Variants in FSIP2 observed in about 807,000 individuals in gnomAD.
The protein encoded by FSIP2 is fibrous sheath interacting protein 2.
In FSIP2, 367 loss-of-function variants were observed where a neutral mutation model predicts 510.5. That is an observed-to-expected ratio of 0.72 (90% CI 0.66 to 0.78). The LOEUF (loss-of-function observed/expected upper bound fraction) is 0.78. Among genes scored for constraint, FSIP2 ranks in the 30% least tolerant of loss-of-function variants. The pLI, the probability that FSIP2 is intolerant of heterozygous loss-of-function variation, is 0.00. For synonymous variants in FSIP2, 2,601 were observed against 2,732.2 expected (o/e 0.95, Z 1.50); for missense variants, 7,594 against 7,901.7 (o/e 0.96, Z 1.48).
In FSIP2 at chr2:185,807,409, G is replaced by A; in HGVS notation, c.18103G>A (p.Glu6035Lys). The change falls in exon 17 of 23, where the codon GAA becomes AAA. Residue 6035 changes from glutamate to lysine, a missense_variant. Transcript: ENST00000424728. Reference protein sequence around the residue: ...FSTISSTKTKEPEDNLSTELN... With the variant: ...FSTISSTKTKKPEDNLSTELN... ...AACAATATCCAGCACAAAAACAAAA[G>A]AACCTGAGGACAATTTGTCCACAGA... The A allele has an allele frequency of 6.2e-7, 1 of 1,608,598 alleles. No individual in the cohort carries two copies. The highest frequency in any genetic ancestry group is 8.5e-7 in the Non-Finnish European group (1 of 1,178,536).
chr2:185,781,560 C>T (rs1692849475), intron 13 of FSIP2, among the ~76,000 whole-genome samples: 1 of 152,116 alleles, frequency 6.6e-6, no homozygotes, highest in South Asian at 2.1e-4. Flanking sequence ...AATGCTCTGA[C>T]CAGACACTAA....
chr2:185,822,844 T>C (rs921953850), intron 19 of FSIP2, among the ~76,000 whole-genome samples: 3 of 151,888 alleles, frequency 2.0e-5, no homozygotes, highest in African/African-American at 7.2e-5. Flanking sequence ...GTGATACTGA[T>C]ATAAAGACAG....
Position 185,801,169 on chromosome 2 carries a change from G to T in FSIP2, c.11863G>T (p.Val3955Leu). 1 of 1,533,682 alleles carries T rather than the reference G, an allele frequency of 6.5e-7. No individual in the cohort carries two copies. Among genetic ancestry groups the T allele is most frequent in the Non-Finnish European group, 8.7e-7 (1 of 1,145,232 alleles). Reference sequence around the variant, plus strand: ...ACAGAGAACAAAGGAAATGGATAAGGTAGCCATTCATAATAAGCTACATCA... The same window carrying T: ...ACAGAGAACAAAGGAAATGGATAAGTTAGCCATTCATAATAAGCTACATCA... ...ERQRTKEMDK[V>L]AIHNKLHQEG... The change falls in exon 17 of 23, where the codon GTA becomes TTA. Residue 3955 changes from valine (V) to leucine (L), a missense_variant. Coordinates refer to ENST00000424728, the MANE Select transcript of FSIP2 (RefSeq NM_173651.4).
In FSIP2 at chr2:185,807,654, C is replaced by T. The variant is rs1227903388; in HGVS notation, c.18348C>T (p.Asn6116=). ...VTSGCKILSE[N]IVDLVLREVA... is the part of the protein sequence containing the mutation. Reference sequence around the variant, plus strand: ...GTGGATGCAAAATCCTTTCAGAAAACATAGTTGACTTGGTTCTACGAGAAG... The same window carrying T: ...GTGGATGCAAAATCCTTTCAGAAAATATAGTTGACTTGGTTCTACGAGAAG... Residue 6116 remains asparagine (N), a synonymous_variant, in exon 17 of 23, where the codon AAC becomes AAT. Coordinates refer to ENST00000424728, the MANE Select transcript of FSIP2 (RefSeq NM_173651.4). 6.2e-7 allele frequency: 1 copy of T among 1,612,818 alleles called. No homozygotes were observed. The highest frequency in any genetic ancestry group is 8.5e-7 in the Non-Finnish European group (1 of 1,179,320).
chr2:185,770,295 G>A (rs1293303823), intron 13 of FSIP2, among the ~76,000 whole-genome samples: 1 of 152,086 alleles, frequency 6.6e-6, no homozygotes, highest in Non-Finnish European at 1.5e-5. Flanking sequence ...AACCTCCCTG[G>A]TTAGTGGTAT....
intron 21 of FSIP2, among the ~76,000 whole-genome samples, chr2:185,830,671 G>A (rs1480550753): frequency 1.3e-5 from 2 of 151,690 alleles, no homozygotes; most frequent in South Asian, 2.1e-4. Context: ...GTCTATACAT[G>A]TTCGGTATAC....
intron 13 of FSIP2, chr2:185,766,499 TG>T (rs1692485109): frequency 6.8e-6 from 1 of 146,628 alleles, no homozygotes; most frequent in Non-Finnish European, 1.5e-5. Context: ...CATCAAAAAG[TG>T]GGTGAAGGAC....
At chr2:185,775,682 T>G (rs183180532) in intron 13 of FSIP2, among the ~76,000 whole-genome samples, 3 of 152,236 alleles carry the variant, frequency 2.0e-5, no homozygotes, top group African/African-American at 7.2e-5. Flanking sequence ...TTGTTTTGCT[T>G]TCATGGAGCC....
Position 185,790,940 on chromosome 2 carries a change from T to TAA in FSIP2, c.3807_3808dup (p.Arg1270LysfsTer3), listed in dbSNP as rs1317276013. Reference sequence around the variant, plus strand: ...ATGATAAGATCATTCGTACAATTTTTAAAAGACTGAAGTCATTTATTTGTC... The same window carrying TAA: ...ATGATAAGATCATTCGTACAATTTTTAAAAAAGACTGAAGTCATTTATTTGTC... On this transcript the variant is annotated frameshift_variant, in exon 16 of 23. Transcript: ENST00000424728. LOFTEE classifies it high-confidence loss of function. 2.0e-6 allele frequency: 3 copies of TAA among 1,524,096 alleles called. No individual in the cohort carries two copies. The highest frequency in any genetic ancestry group is 3.4e-4 in the Middle Eastern group (2 of 5,874). 94.4% of individuals were successfully genotyped at this position (1,524,096 alleles called of 1,614,324 possible).
rs1288750042 is a variant in FSIP2, at chr2:185,753,778, T to C, written c.927T>C (p.Thr309=). The change falls in exon 8 of 23, where the codon ACT becomes ACC. Residue 309 remains threonine, a synonymous_variant. Transcript: ENST00000424728. ...ATCATTTACAAAAAATGCAAGATAC[T>C]GGCTTTAACGGAGAAGATATAGGAA... ...MAYHLQKMQD[T]GFNGEDIGKN... 28 of 1,452,536 alleles carry C rather than the reference T, an allele frequency of 1.9e-5. No individual in the cohort carries two copies. The highest frequency in any genetic ancestry group is 2.5e-5 in the Non-Finnish European group (27 of 1,083,978). The allele number at this position is 1,452,536 out of a possible 1,614,324, so 90.0% of individuals were successfully genotyped here. A position where few individuals can be genotyped will look rare whatever the true frequency, so the allele number is the denominator to read the frequency against.
chr2:185,792,191 A>C lies in FSIP2; in HGVS notation c.5055A>C (p.Leu1685Phe). The C allele has an allele frequency of 6.5e-7, 1 of 1,531,930 alleles. No homozygotes were observed. The highest frequency in any genetic ancestry group is 2.4e-5 in the East Asian group (1 of 40,846). The allele number at this position is 1,531,930 out of a possible 1,614,324, so 94.9% of individuals were successfully genotyped here. A position where few individuals can be genotyped will look rare whatever the true frequency, so the allele number is the denominator to read the frequency against. Reference protein sequence around the residue: ...ETQILKYVVKLILDAVSSDMF... With the variant: ...ETQILKYVVKFILDAVSSDMF... Reference sequence around the variant, plus strand: ...AAATACTTAAGTATGTAGTCAAGTTAATTTTAGATGCAGTATCTTCCGATA... The same window carrying C: ...AAATACTTAAGTATGTAGTCAAGTTCATTTTAGATGCAGTATCTTCCGATA... The change falls in exon 16 of 23, where the codon TTA (leucine) becomes TTC (phenylalanine). Residue 1685 changes from leucine (L) to phenylalanine (F), a missense_variant. Transcript: ENST00000424728.
chr2:185,810,038 T>A (rs1275644071), intron 17 of FSIP2, among the ~76,000 whole-genome samples: 1 of 152,048 alleles, frequency 6.6e-6, no homozygotes, highest in Non-Finnish European at 1.5e-5. Flanking sequence ...AGGCATGTAG[T>A]CTGTAGCCCG....
At position 185,793,194 on chromosome 2, in the gene FSIP2, A is replaced by G. The variant is rs1693179469; in HGVS notation, c.6058A>G (p.Lys2020Glu). The stretch of plus-strand genomic sequence containing the variant: ...ACAAGGAATCAAACAGGAATTAGAT[A>G]AAGAAAGGGAAAATCCTTTTTTAAC... ...NLQGIKQELD[K>E]ERENPFLTHD... is the part of the protein sequence containing the mutation. Residue 2020 changes from lysine to glutamate, a missense_variant, in exon 16 of 23, where the codon AAA (lysine) becomes GAA (glutamate). By Grantham distance (56) the Lys-to-Glu change is moderately conservative. Coordinates refer to ENST00000424728, the MANE Select transcript of FSIP2 (RefSeq NM_173651.4). 1.3e-6 allele frequency: 2 copies of G among 1,533,796 alleles called. No individual in the cohort carries two copies. Among genetic ancestry groups the G allele is most frequent in the Non-Finnish European group, 1.7e-6 (2 of 1,145,440 alleles).
chr2:185,778,358 T>C (rs1205769939), intron 13 of FSIP2, among the ~76,000 whole-genome samples: 2 of 152,060 alleles, frequency 1.3e-5, no homozygotes, highest in African/African-American at 4.8e-5. Context: ...TGAGCTAATA[T>C]TTGAAACTTT....
intron 8 of FSIP2, 36 bp downstream of exon 8, chr2:185,753,878 G>C: frequency 7.3e-7 from 1 of 1,362,624 alleles, no homozygotes; most frequent in Non-Finnish European, 9.6e-7. Context: ...ATGTAGCTAA[G>C]TAGAAAATGA....
In FSIP2 at chr2:185,791,317, G is replaced by A; in HGVS notation, c.4181G>A (p.Ser1394Asn). 1 of 1,534,130 alleles carries A rather than the reference G, an allele frequency of 6.5e-7. No individual in the cohort carries two copies. The highest frequency in any genetic ancestry group is 8.7e-7 in the Non-Finnish European group (1 of 1,145,558). The change falls in exon 16 of 23, where the codon AGC (serine) becomes AAC (asparagine). Residue 1394 changes from serine to asparagine, a missense_variant. Coordinates refer to ENST00000424728, the MANE Select transcript of FSIP2 (RefSeq NM_173651.4). The stretch of plus-strand genomic sequence containing the variant: ...GCAACTGACAGTGTTGATGTACAAA[G>A]CATTTTGCCAAATAGGCAAGATAAA... ...KSATDSVDVQ[S>N]ILPNRQDKKS...
In FSIP2 at chr2:185,804,752, A is replaced by T; in HGVS notation, c.15446A>T (p.Glu5149Val). The change falls in exon 17 of 23, where the codon GAA (glutamate) becomes GTA (valine). Residue 5149 changes from glutamate to valine, a missense_variant. Transcript: ENST00000424728. ...LKEKKFPPDD[E>V]FVEAASKLTD... The stretch of plus-strand genomic sequence containing the variant: ...GAGAAAAAGTTTCCACCGGATGATG[A>T]ATTTGTGGAGGCAGCTTCAAAATTG... 6.5e-7 allele frequency: 1 copy of T among 1,530,286 alleles called. No individual in the cohort carries two copies. Among genetic ancestry groups the T allele is most frequent in the South Asian group, 1.2e-5 (1 of 83,004 alleles). 94.8% of individuals were successfully genotyped at this position (1,530,286 alleles called of 1,614,324 possible).
Position 185,794,109 on chromosome 2 carries a change from C to T in FSIP2, c.6973C>T (p.Leu2325Phe). 6.5e-7 allele frequency: 1 copy of T among 1,531,590 alleles called. No individual in the cohort carries two copies. Among genetic ancestry groups the T allele is most frequent in the African/African-American group, 1.4e-5 (1 of 72,874 alleles). The allele number at this position is 1,531,590 out of a possible 1,614,324, so 94.9% of individuals were successfully genotyped here. A position where few individuals can be genotyped will look rare whatever the true frequency, so the allele number is the denominator to read the frequency against. The change falls in exon 16 of 23, where the codon CTT becomes TTT. Residue 2325 changes from leucine to phenylalanine, a missense_variant. Coordinates refer to ENST00000424728, the MANE Select transcript of FSIP2 (RefSeq NM_173651.4). ...SATETILSQE[L>F]TDFTFVGRRE... ...AACTGAAACCATTCTCAGCCAAGAGCTTACAGATTTCACTTTTGTTGGTCG... is the reference window on the plus strand; with the variant it reads ...AACTGAAACCATTCTCAGCCAAGAGTTTACAGATTTCACTTTTGTTGGTCG...
chr2:185,764,358 C>A (rs1360428544), intron 12 of FSIP2, 144 bp from the exon 13 acceptor site: 2 of 521,222 alleles, frequency 3.8e-6, no homozygotes, highest in Admixed American at 3.6e-5. Flanking sequence ...ATAATAAAAA[C>A]GTGCATTTCT....
Sources: allele counts gnomAD v4.1 joint callset (sites outside exome capture counted in the v4.1 genomes callset), GRCh38; gene constraint gnomAD v4.1.1; transcripts MANE v1.5; gene names NCBI Gene and HGNC (gene_info 2026-07-23, HGNC 2026-07-21).